SYNDIG1: variants seen among roughly 807,000 people sequenced by gnomAD.
SYNDIG1 encodes the protein synapse differentiation-inducing gene protein 1.
A neutral mutation model predicts 19.4 loss-of-function variants in SYNDIG1; 9 were observed. The ratio of observed to expected loss-of-function variants is 0.46; its 90% CI spans 0.28 to 0.81. The LOEUF (loss-of-function observed/expected upper bound fraction) is 0.81, where lower values mean the gene tolerates loss of function less well. Among genes scored for constraint, SYNDIG1 ranks in the 30% least tolerant of loss-of-function variants. The pLI is 0.12. For synonymous variants in SYNDIG1, 141 were observed against 145.9 expected (o/e 0.97, Z 0.24); for missense variants, 311 against 343.3 (o/e 0.91, Z 0.74).
chr20:24,569,015 G>A (rs1160770507), intron 2 of SYNDIG1, among the ~76,000 whole-genome samples: 4 of 152,188 alleles, frequency 2.6e-5, no homozygotes, highest in Non-Finnish European at 5.9e-5. Flanking sequence ...CCAACCTGGG[G>A]AAATTGTCCC....
Position 24,474,987 on chromosome 20 carries a change from C to T in SYNDIG1, c.-79+5234C>T, listed in dbSNP as rs373857998. On this transcript the variant is annotated intron_variant, in intron 1 of 3. Transcript: ENST00000376862. ...TACAGATCTTTCTGAAAGGGAGATA[C>T]AGTAATCTTACCTCAAATACACTTG... Among the ~76,000 whole-genome samples, 65 of 152,328 alleles carry T rather than the reference C, an allele frequency of 4.3e-4. 1 individual carries two copies. The highest frequency in any genetic ancestry group is 1.5e-3 in the African/African-American group (63 of 41,576).
intron 3 of SYNDIG1, among the ~76,000 whole-genome samples, chr20:24,593,829 G>A (rs927722480): frequency 6.6e-6 from 1 of 151,920 alleles, no homozygotes; most frequent in Admixed American, 6.6e-5. Context: ...CTGCATGTAT[G>A]TCTTCTTTTG....
chr20:24,661,536 G>C (rs1335386010), intron 3 of SYNDIG1, among the ~76,000 whole-genome samples: 5 of 19,690 alleles, frequency 2.5e-4, no homozygotes, highest in African/African-American at 8.8e-4. Context: ...GAAAAAAGGA[G>C]GAAGGAGGGA....
intron 3 of SYNDIG1, among the ~76,000 whole-genome samples, chr20:24,614,668 T>G (rs2058902184): frequency 6.6e-6 from 1 of 152,014 alleles, no homozygotes; most frequent in Admixed American, 6.6e-5. Context: ...GGGAGTCATA[T>G]GGGAGGAATG....
chr20:24,492,618 G>A (rs1040309343), intron 1 of SYNDIG1, among the ~76,000 whole-genome samples: 1 of 152,178 alleles, frequency 6.6e-6, no homozygotes, highest in African/African-American at 2.4e-5. Context: ...GGGGTCCTTA[G>A]ATCCTTAGTG....
intron 1 of SYNDIG1, among the ~76,000 whole-genome samples, chr20:24,506,374 T>G (rs960763618): frequency 6.6e-6 from 1 of 152,260 alleles, no homozygotes; most frequent in South Asian, 2.1e-4. Context: ...CACGTCTGAG[T>G]TGTCAGGAAA....
chr20:24,610,311 A>T (rs202247596), intron 3 of SYNDIG1, among the ~76,000 whole-genome samples: 1 of 152,158 alleles, frequency 6.6e-6, no homozygotes, highest in Non-Finnish European at 1.5e-5. Flanking sequence ...TTCCTTTGGG[A>T]ATGTCATACT....
In SYNDIG1 at chr20:24,666,583, A is replaced by G. The variant is rs1231867094; in HGVS notation, c.*1079A>G. On this transcript the variant is annotated 3_prime_UTR_variant, in exon 4 of 4. Coordinates refer to ENST00000376862, the MANE Select transcript of SYNDIG1 (RefSeq NM_024893.3). ...ATTACTTAACAAAAAATTATCTTTT[A>G]GCTTTTTCGCTTAAGACTTTTCTTT... 1 of 152,614 alleles carries G rather than the reference A, an allele frequency of 6.6e-6. No individual in the cohort carries two copies. Among genetic ancestry groups the G allele is most frequent in the African/African-American group, 2.4e-5 (1 of 41,466 alleles). 9.5% of individuals were successfully genotyped at this position (152,614 alleles called of 1,614,324 possible).
At chr20:24,520,864 A>G (rs2056988370) in intron 1 of SYNDIG1, among the ~76,000 whole-genome samples, 1 of 152,190 alleles carries the variant, frequency 6.6e-6, no homozygotes, top group Non-Finnish European at 1.5e-5. Flanking sequence ...TTTTAAATGT[A>G]CAATTCAATG....
intron 2 of SYNDIG1, among the ~76,000 whole-genome samples, chr20:24,564,866 G>T (rs1478993150): frequency 6.6e-6 from 1 of 152,220 alleles, no homozygotes; most frequent in Non-Finnish European, 1.5e-5. Flanking sequence ...CTGGAACTTG[G>T]AGCTGGCTGA....
At chr20:24,645,065 G>A (rs2059410911) in intron 3 of SYNDIG1, among the ~76,000 whole-genome samples, 1 of 152,158 alleles carries the variant, frequency 6.6e-6, no homozygotes, top group Non-Finnish European at 1.5e-5. Flanking sequence ...TCTTACATTA[G>A]CAAAAATGCT....
intron 1 of SYNDIG1, among the ~76,000 whole-genome samples, chr20:24,542,798 T>C (rs752753156): frequency 7.9e-5 from 12 of 152,194 alleles, no homozygotes; most frequent in Non-Finnish European, 1.6e-4. Flanking sequence ...AAGCAGAGAC[T>C]TTATAGAGAT....
chr20:24,524,374 G>A (rs902864677), intron 1 of SYNDIG1, among the ~76,000 whole-genome samples: 2 of 152,150 alleles, frequency 1.3e-5, no homozygotes, highest in East Asian at 1.9e-4. Context: ...GGCCGGCCAG[G>A]GTGGCTCACG....
chr20:24,647,191 A>C (rs1196433180), intron 3 of SYNDIG1, among the ~76,000 whole-genome samples: 1 of 152,196 alleles, frequency 6.6e-6, no homozygotes. Context: ...AAAGAAGTCA[A>C]TATAGATATA....
At chr20:24,500,511 T>TTTC (rs1318838293) in intron 1 of SYNDIG1, among the ~76,000 whole-genome samples, 1 of 123,038 alleles carries the variant, frequency 8.1e-6, no homozygotes, top group Non-Finnish European at 1.8e-5. Context: ...TCTTTCTTTC[T>TTTC]TTCTTTCTTT....
intron 1 of SYNDIG1, among the ~76,000 whole-genome samples, chr20:24,481,483 G>C (rs1870509747): frequency 1.3e-5 from 2 of 152,192 alleles, no homozygotes; most frequent in Admixed American, 6.5e-5. Flanking sequence ...CTCCAAAAGT[G>C]AGTGTGAACA....
rs73341656 is a variant in SYNDIG1 at position 24,474,054 on chromosome 20, G to C, written c.-79+4301G>C. On this transcript the variant is annotated intron_variant, in intron 1 of 3. Coordinates refer to ENST00000376862, the MANE Select transcript of SYNDIG1 (RefSeq NM_024893.3). ...ATACATGCACAGGAATGTACCCAGG[G>C]TGTGTACATAGCCATGTGGGCTAAA... Among the ~76,000 whole-genome samples, 105 of 152,326 alleles carry C rather than the reference G, an allele frequency of 6.9e-4. 1 individual carries two copies. The highest frequency in any genetic ancestry group is 2.5e-3 in the African/African-American group (102 of 41,570).
At chr20:24,501,367 G>T (rs1339274381) in intron 1 of SYNDIG1, among the ~76,000 whole-genome samples, 1 of 152,228 alleles carries the variant, frequency 6.6e-6, no homozygotes, top group African/African-American at 2.4e-5. Flanking sequence ...AAGATAGCAC[G>T]TGTGAGGTGC....
chr20:24,469,987 G>T (rs1182255812), intron 1 of SYNDIG1, among the ~76,000 whole-genome samples: 2 of 152,192 alleles, frequency 1.3e-5, no homozygotes, highest in Non-Finnish European at 2.9e-5. Context: ...GCGGGAGGGG[G>T]AGCTGAGCCG....
Sources: allele counts gnomAD v4.1 joint callset (sites outside exome capture counted in the v4.1 genomes callset), GRCh38; gene constraint gnomAD v4.1.1; transcripts MANE v1.5; gene names NCBI Gene and HGNC (gene_info 2026-07-23, HGNC 2026-07-21).